RPS6KL1: variants seen among roughly 807,000 people sequenced by gnomAD.
RPS6KL1 encodes ribosomal protein S6 kinase-like 1.
Under a neutral mutation model 57.0 loss-of-function variants are expected in RPS6KL1, and 41 were observed. The observed-to-expected ratio is 0.72, with a 90% CI of 0.56 to 0.93. The LOEUF (loss-of-function observed/expected upper bound fraction) is 0.93, where lower values mean the gene tolerates loss of function less well. Among genes scored for constraint, RPS6KL1 ranks in the 40% least tolerant of loss-of-function variants. The pLI is 0.00. For missense variants in RPS6KL1, 697 were observed against 727.7 expected, an observed-to-expected ratio of 0.96 and a Z score of 0.49; for synonymous variants, 287 against 309.7, an observed-to-expected ratio of 0.93 and a Z score of 0.77.
chr14:74,910,265 G>A, intron 7 of RPS6KL1, 117 bp from the exon 8 acceptor site: 1 of 1,240,474 alleles, frequency 8.1e-7, no homozygotes, highest in African/African-American at 1.5e-5. Flanking sequence ...TCCGCCTCTG[G>A]GTGTCCTGGC....
At position 74,918,477 on chromosome 14, in the gene RPS6KL1, G is replaced by A. The variant is rs1038206133; in HGVS notation, c.483+36C>T. 11 of 1,438,782 alleles carry A rather than the reference G, an allele frequency of 7.6e-6. No individual in the cohort carries two copies. The African/African-American group carries it at 8.5e-5, about 11-fold the overall frequency. 89.1% of individuals were successfully genotyped at this position (1,438,782 alleles called of 1,614,324 possible). ...ACCGCCACCCCAAATTGCATACACTGTCTCCCTCCTGCAAGGCGAGTGTCC... is the reference window on the plus strand; with the variant it reads ...ACCGCCACCCCAAATTGCATACACTATCTCCCTCCTGCAAGGCGAGTGTCC... On this transcript the variant is annotated intron_variant, in intron 5 of 11. Transcript: ENST00000557413.
At chr14:74,908,550 G>T (rs1885308941) in intron 10 of RPS6KL1, among the ~76,000 whole-genome samples, 1 of 152,122 alleles carries the variant, frequency 6.6e-6, no homozygotes, top group Admixed American at 6.5e-5. Context: ...AGCCTTCCAG[G>T]GAAGAAGGGC....
At chr14:74,917,034 T>G (rs1166465973) in intron 5 of RPS6KL1, among the ~76,000 whole-genome samples, 2 of 152,086 alleles carry the variant, frequency 1.3e-5, no homozygotes, top group South Asian at 2.1e-4. Flanking sequence ...ACTCAAGCAG[T>G]GGGGAGGGGA....
At chr14:74,912,398 C>T (rs1886164805) in intron 5 of RPS6KL1, among the ~76,000 whole-genome samples, 1 of 152,140 alleles carries the variant, frequency 6.6e-6, no homozygotes, top group African/African-American at 2.4e-5. Context: ...AGCCCTGTTC[C>T]ACCTGGACCC....
chr14:74,918,508 C>G lies in RPS6KL1; in HGVS notation c.483+5G>C, dbSNP rs1160645554. 2.0e-6 allele frequency: 3 copies of G among 1,527,958 alleles called. No individual in the cohort carries two copies. Among genetic ancestry groups the G allele is most frequent in the Non-Finnish European group, 2.6e-6 (3 of 1,142,048 alleles). 94.7% of individuals were successfully genotyped at this position (1,527,958 alleles called of 1,614,324 possible). A position where few individuals can be genotyped will look rare whatever the true frequency, so the allele number is the denominator to read the frequency against. On this transcript the variant is annotated splice_donor_5th_base_variant and intron_variant, in intron 5 of 11. Coordinates refer to ENST00000557413, the MANE Select transcript of RPS6KL1 (RefSeq NM_031464.5). ...CTCCTGCAAGGCGAGTGTCCACTCACTCACCTTCTCGATGACCCCGACCAC... is the reference window on the plus strand; with the variant it reads ...CTCCTGCAAGGCGAGTGTCCACTCAGTCACCTTCTCGATGACCCCGACCAC...
intron 4 of RPS6KL1, among the ~76,000 whole-genome samples, chr14:74,919,066 T>C (rs777840051): frequency 6.6e-6 from 1 of 152,196 alleles, no homozygotes; most frequent in Non-Finnish European, 1.5e-5. Flanking sequence ...CTCCAGCTAC[T>C]TGGGAGGCTG....
At chr14:74,922,707 G>C (rs116119860) in intron 1 of RPS6KL1, among the ~76,000 whole-genome samples, 1 of 152,220 alleles carries the variant, frequency 6.6e-6, no homozygotes, top group Non-Finnish European at 1.5e-5. Flanking sequence ...GAAGGGAAGG[G>C]GCTCAGAGAG....
rs1884476833 is a variant in RPS6KL1 at position 74,904,544 on chromosome 14, A to G, written c.*2470T>C. 1 of 152,178 alleles carries G rather than the reference A, an allele frequency of 6.6e-6. No individual in the cohort carries two copies. Among genetic ancestry groups the G allele is most frequent in the Non-Finnish European group, 1.5e-5 (1 of 68,040 alleles). The allele number at this position is 152,178 out of a possible 1,614,324, so 9.4% of individuals were successfully genotyped here. On this transcript the variant is annotated 3_prime_UTR_variant, in exon 12 of 12. Coordinates refer to ENST00000557413, the MANE Select transcript of RPS6KL1 (RefSeq NM_031464.5). ...TTAGGATGTTTTTTGTTTTGTTTCC[A>G]TAAAGCATCATAGTCTCTTAGTGCC...
chr14:74,916,549 C>T (rs1320912575), intron 5 of RPS6KL1, among the ~76,000 whole-genome samples: 3 of 152,096 alleles, frequency 2.0e-5, no homozygotes. Flanking sequence ...AATAGCAGGG[C>T]TTGAGACTGT....
chr14:74,921,323 G>T lies in RPS6KL1; in HGVS notation c.219C>A (p.Phe73Leu), dbSNP rs773442820. The T allele has an allele frequency of 6.2e-7, 1 of 1,607,328 alleles. No individual in the cohort carries two copies. The highest frequency in any genetic ancestry group is 8.5e-7 in the Non-Finnish European group (1 of 1,175,818). ...CGTCCACGCCATTCTGATAGTGGTTGAAGGCCGCCTCATAGTCCTCACTAA... is the reference window on the plus strand; with the variant it reads ...CGTCCACGCCATTCTGATAGTGGTTTAAGGCCGCCTCATAGTCCTCACTAA... ...RDVSEDYEAA[F>L]NHYQNGVDVL... Residue 73 changes from phenylalanine to leucine, a missense_variant, in exon 3 of 12, where the codon TTC becomes TTA. Transcript: ENST00000557413.
At chr14:74,921,621 C>T in intron 2 of RPS6KL1, 60 bp from the exon 3 acceptor site, 1 of 1,515,246 alleles carries the variant, frequency 6.6e-7, no homozygotes, top group Non-Finnish European at 8.8e-7. Flanking sequence ...TATCCGCACC[C>T]CAGTTTCCTC....
At chr14:74,907,363 C>T in intron 11 of RPS6KL1, 72 bp downstream of exon 11, 1 of 1,522,908 alleles carries the variant, frequency 6.6e-7, no homozygotes, top group South Asian at 1.2e-5. Context: ...GTGGTTCAGA[C>T]ACAGTTCTGT....
intron 8 of RPS6KL1, 109 bp from the exon 9 acceptor site, chr14:74,909,299 G>T: frequency 8.4e-7 from 1 of 1,185,560 alleles, no homozygotes. Context: ...CAATGGCCTT[G>T]CTGGGCAGAA....
At chr14:74,920,952 G>A (rs574735783) in intron 3 of RPS6KL1, among the ~76,000 whole-genome samples, 91 of 152,300 alleles carry the variant, frequency 6.0e-4, no homozygotes, top group African/African-American at 2.1e-3. Flanking sequence ...ACTGCCCCAT[G>A]CCTCAGCTTC....
rs946588060 is a variant in RPS6KL1, at chr14:74,906,532, C to G, written c.*482G>C. On this transcript the variant is annotated 3_prime_UTR_variant, in exon 12 of 12. Transcript: ENST00000557413. ...GCTTCTGGTGGAAGAGGCCTACTCGCTGTGTGACTAAGAGGACTAGCCAGG... is the reference window on the plus strand; with the variant it reads ...GCTTCTGGTGGAAGAGGCCTACTCGGTGTGTGACTAAGAGGACTAGCCAGG... 7 of 517,398 alleles carry G rather than the reference C, an allele frequency of 1.4e-5. No individual in the cohort carries two copies. Among genetic ancestry groups the G allele is most frequent in the Admixed American group, 1.2e-4 (6 of 48,868 alleles). The allele number at this position is 517,398 out of a possible 1,614,324, so 32.1% of individuals were successfully genotyped here. A position where few individuals can be genotyped will look rare whatever the true frequency, so the allele number is the denominator to read the frequency against.
chr14:74,911,214 T>G, intron 7 of RPS6KL1, 34 bp downstream of exon 7: 1 of 1,603,728 alleles, frequency 6.2e-7, no homozygotes, highest in Non-Finnish European at 8.5e-7. Flanking sequence ...CCCAAAGGCC[T>G]GGGGAGCTGA....
At chr14:74,922,766 T>G (rs1888043488) in intron 1 of RPS6KL1, among the ~76,000 whole-genome samples, 1 of 152,150 alleles carries the variant, frequency 6.6e-6, no homozygotes, top group Admixed American at 6.5e-5. Flanking sequence ...CCACTGGGAA[T>G]GGGCAGGACC....
Position 74,909,859 on chromosome 14 carries a change from A to C in RPS6KL1, c.954T>G (p.Leu318=). 4 of 1,613,088 alleles carry C rather than the reference A, an allele frequency of 2.5e-6. No individual in the cohort carries two copies. Among genetic ancestry groups the C allele is most frequent in the Non-Finnish European group, 3.4e-6 (4 of 1,179,488 alleles). Reference sequence around the variant, plus strand: ...GCAGGTGGCCACCTGGGGCCTTTGGAAGGTCCGAGGAGCCAGAGGTGCTGG... The same window carrying C: ...GCAGGTGGCCACCTGGGGCCTTTGGCAGGTCCGAGGAGCCAGAGGTGCTGG... ...ARTSTSGSSD[L]PKAPGGHLHL... Residue 318 remains leucine, a synonymous_variant, in exon 8 of 12, where the codon CTT becomes CTG. Transcript: ENST00000557413.
chr14:74,919,034 G>T (rs1440815436), intron 4 of RPS6KL1, among the ~76,000 whole-genome samples: 1 of 152,212 alleles, frequency 6.6e-6, no homozygotes. Flanking sequence ...AATTAGCCGA[G>T]CATGGTGGCG....
Sources: gnomAD v4.1 joint callset for allele counts (sites outside exome capture counted in the v4.1 genomes callset) on GRCh38, gnomAD v4.1.1 for gene constraint, MANE v1.5 for transcripts, NCBI Gene and HGNC (gene_info 2026-07-23, HGNC 2026-07-21) for gene names.